SLC41A2: variants seen among roughly 807,000 people sequenced by gnomAD.
SLC41A2 encodes the protein SLC41A1-like 1.
SLC41A2 carries 32 observed loss-of-function variants against 58.3 expected under a neutral mutation model. The ratio of observed to expected loss-of-function variants is 0.55; its 90% CI spans 0.41 to 0.74. SLC41A2 has a LOEUF of 0.74. Ranked by LOEUF, SLC41A2 falls within the 30% of genes least tolerant of loss-of-function variation. SLC41A2 has a pLI of 0.00. For synonymous variants in SLC41A2, 190 were observed against 235.0 expected, an observed-to-expected ratio of 0.81 and a Z score of 1.75; for missense variants, 514 against 680.6, an observed-to-expected ratio of 0.76 and a Z score of 2.72.
At position 104,801,843 on chromosome 12, in the gene SLC41A2, G is replaced by A. The variant is rs1317986879; in HGVS notation, c.*3309C>T. ...TTATTATAATTCATAAATATCATAT[G>A]TATACATAAATTACCCCAGTCTCTT... On this transcript the variant is annotated 3_prime_UTR_variant, in exon 11 of 11. Coordinates refer to ENST00000258538, the MANE Select transcript of SLC41A2 (RefSeq NM_001352171.3). Among the ~76,000 whole-genome samples the A allele has an allele frequency of 6.6e-6, 1 of 152,164 alleles. No individual in the cohort carries two copies. The highest frequency in any genetic ancestry group is 1.5e-5 in the Non-Finnish European group (1 of 68,026).
intron 2 of SLC41A2, among the ~76,000 whole-genome samples, chr12:104,926,612 A>T (rs1156615433): frequency 2.0e-5 from 3 of 152,084 alleles, no homozygotes; most frequent in Admixed American, 6.6e-5. Flanking sequence ...AAAAAAGAGA[A>T]TACCTACAAA....
At chr12:104,805,402 C>G in intron 10 of SLC41A2, 65 bp from the exon 11 acceptor site, 1 of 1,410,994 alleles carries the variant, frequency 7.1e-7, no homozygotes, top group South Asian at 1.4e-5. Context: ...AACATGGCCA[C>G]AAGCCTAAAC....
chr12:104,928,113 C>G lies in SLC41A2; in HGVS notation c.415G>C (p.Gly139Arg). ...MLQDEDISSDGDEDAIVEVTP... is the reference protein window; with the variant it reads ...MLQDEDISSDRDEDAIVEVTP... ...ACTTCTACAATAGCATCTTCATCAC[C>G]ATCACTAGATATATCTTCATCTTGT... Residue 139 changes from glycine (G) to arginine (R), a missense_variant, in exon 2 of 11, where the codon GGT becomes CGT. Gly to Arg is a moderately radical substitution (Grantham distance 125). Transcript: ENST00000258538. The G allele has an allele frequency of 6.2e-7, 1 of 1,614,152 alleles. No individual in the cohort carries two copies. The highest frequency in any genetic ancestry group is 8.5e-7 in the Non-Finnish European group (1 of 1,180,022).
intron 10 of SLC41A2, among the ~76,000 whole-genome samples, chr12:104,806,009 T>C (rs1160096206): frequency 6.6e-6 from 1 of 152,210 alleles, no homozygotes; most frequent in African/African-American, 2.4e-5. Flanking sequence ...ACCAGATAAA[T>C]GTTTTTTTCT....
chr12:104,887,876 T>C (rs4076550), intron 5 of SLC41A2, among the ~76,000 whole-genome samples: 82,558 of 151,750 alleles, frequency 0.54, 22,914 homozygotes, highest in Middle Eastern at 0.65. Flanking sequence ...ACTAAAGTGC[T>C]TATAAAGGTC....
intron 8 of SLC41A2, among the ~76,000 whole-genome samples, chr12:104,850,830 C>A (rs1394033863): frequency 1.3e-5 from 2 of 152,098 alleles, no homozygotes; most frequent in East Asian, 3.9e-4. Flanking sequence ...ATATGTATCC[C>A]AGGGAGTTCT....
chr12:104,914,064 A>G (rs746680290), intron 2 of SLC41A2, among the ~76,000 whole-genome samples: 8 of 152,170 alleles, frequency 5.3e-5, no homozygotes, highest in Non-Finnish European at 8.8e-5. Context: ...TCTATCTCAA[A>G]AAAAAGAAAA....
rs1477366709 is a variant in SLC41A2, at chr12:104,921,850, G to A, written c.555+6123C>T. 4.6e-5 allele frequency among the ~76,000 whole-genome samples: 7 copies of A among 152,242 alleles called. No homozygotes were observed. In the South Asian group the frequency reaches 1.4e-3, roughly 32 times the overall value. Reference sequence around the variant, plus strand: ...TAGGCAATATAAAAATGTGAAAATTGGAATAACCAAAGGTCAAAAATGGAG... The same window carrying A: ...TAGGCAATATAAAAATGTGAAAATTAGAATAACCAAAGGTCAAAAATGGAG... On this transcript the variant is annotated intron_variant, in intron 2 of 10. Coordinates refer to ENST00000258538, the MANE Select transcript of SLC41A2 (RefSeq NM_001352171.3).
At chr12:104,863,836 C>T (rs73399934) in intron 7 of SLC41A2, among the ~76,000 whole-genome samples, 4,877 of 152,188 alleles carry the variant, frequency 0.032, 149 homozygotes, top group East Asian at 0.15. Flanking sequence ...TCCTCACGTA[C>T]GCTTTTTGCT....
intron 1 of SLC41A2, among the ~76,000 whole-genome samples, chr12:104,944,823 T>A (rs1346515554): frequency 6.6e-6 from 1 of 151,882 alleles, no homozygotes; most frequent in Non-Finnish European, 1.5e-5. Flanking sequence ...CATAGAGTTC[T>A]CTTCTATTGT....
chr12:104,845,613 A>G (rs1196215289), intron 9 of SLC41A2, among the ~76,000 whole-genome samples: 2 of 152,198 alleles, frequency 1.3e-5, no homozygotes, highest in Admixed American at 6.5e-5. Flanking sequence ...CTCTTTCACA[A>G]CTAATAAGCA....
At chr12:104,931,906 A>G (rs927893155) in intron 1 of SLC41A2, 1 of 152,258 alleles carries the variant, frequency 6.6e-6, no homozygotes, top group Non-Finnish European at 1.5e-5. Context: ...ACTATAGGCC[A>G]ATAAATCTTC....
At chr12:104,902,668 T>C (rs572576629) in intron 3 of SLC41A2, among the ~76,000 whole-genome samples, 1 of 151,952 alleles carries the variant, frequency 6.6e-6, no homozygotes, top group East Asian at 1.9e-4. Context: ...ACAAAAGACA[T>C]AGACTAACAA....
intron 10 of SLC41A2, among the ~76,000 whole-genome samples, chr12:104,806,170 T>C (rs2040890236): frequency 6.6e-6 from 1 of 152,112 alleles, no homozygotes; most frequent in African/African-American, 2.4e-5. Context: ...CCCATTAACT[T>C]GTCATTTAGC....
Position 104,883,889 on chromosome 12 carries a change from C to A in SLC41A2, c.1027+2404G>T, listed in dbSNP as rs1258794797. Among the ~76,000 whole-genome samples the A allele has an allele frequency of 3.3e-5, 5 of 152,226 alleles. No individual in the cohort carries two copies. In the South Asian group the frequency reaches 1.0e-3, roughly 31 times the overall value. ...TCTCTTCAAAGCTGTCAGACAGGGA[C>A]GTTTAAGTCCGCAGAAGTTTCTGCT... On this transcript the variant is annotated intron_variant, in intron 6 of 10. Transcript: ENST00000258538.
At chr12:104,822,588 AC>A (rs1347066334) in intron 10 of SLC41A2, among the ~76,000 whole-genome samples, 2 of 152,196 alleles carry the variant, frequency 1.3e-5, no homozygotes, top group African/African-American at 4.8e-5. Flanking sequence ...ATGAGAAGAA[AC>A]AAAACTCAAT....
chr12:104,853,228 G>A (rs959586464), intron 8 of SLC41A2, among the ~76,000 whole-genome samples: 5 of 152,174 alleles, frequency 3.3e-5, no homozygotes, highest in Non-Finnish European at 5.9e-5. Flanking sequence ...TAGCACTAAC[G>A]TCATGGAATA....
At chr12:104,888,800 A>G (rs4077312) in intron 5 of SLC41A2, among the ~76,000 whole-genome samples, 8,058 of 152,210 alleles carry the variant, frequency 0.053, 292 homozygotes, top group East Asian at 0.11. Flanking sequence ...TTGAGGAACT[A>G]TAACGGAGTA....
At chr12:104,921,456 G>C (rs2046590969) in intron 2 of SLC41A2, among the ~76,000 whole-genome samples, 1 of 151,110 alleles carries the variant, frequency 6.6e-6, no homozygotes, top group South Asian at 2.1e-4. Context: ...ATACAGGCCA[G>C]AAGAGGGTGA....
Sources: allele counts gnomAD v4.1 joint callset (sites outside exome capture counted in the v4.1 genomes callset), GRCh38; gene constraint gnomAD v4.1.1; transcripts MANE v1.5; gene names NCBI Gene and HGNC (gene_info 2026-07-23, HGNC 2026-07-21).